The following SH3D19 variants were observed in gnomAD, a reference collection of about 807,000 sequenced individuals.
The protein encoded by SH3D19 is SH3 domain-containing protein 19.
A neutral mutation model predicts 112.1 loss-of-function variants in SH3D19; 58 were observed. The ratio of observed to expected loss-of-function variants is 0.52; its 90% CI spans 0.42 to 0.64. The LOEUF is 0.64. Ranked by LOEUF, SH3D19 falls within the 30% of genes least tolerant of loss-of-function variation. SH3D19 has a pLI of 0.00. For synonymous variants in SH3D19, 391 were observed against 448.5 expected, an observed-to-expected ratio of 0.87 and a Z score of 1.62; for missense variants, 1,090 against 1,263.4, an observed-to-expected ratio of 0.86 and a Z score of 2.08.
chr4:151,137,831 T>A lies in SH3D19; in HGVS notation c.2328A>T (p.Gly776=). 3.1e-6 allele frequency: 5 copies of A among 1,609,706 alleles called. No individual in the cohort carries two copies. The highest frequency in any genetic ancestry group is 4.2e-6 in the Non-Finnish European group (5 of 1,178,478). The change falls in exon 14 of 20, where the codon GGA becomes GGT. Residue 776 remains glycine, a synonymous_variant. Coordinates refer to ENST00000604030, the MANE Select transcript of SH3D19 (RefSeq NM_001378122.1). ...TCTTCTCCAGAAGATAAACAATTTC[T>A]CCAGAAGTGAGGTTCAAATCATCAA... The part of the protein sequence containing the change: ...EQVDDLNLTS[G]EIVYLLEKID...
intron 1 of SH3D19, among the ~76,000 whole-genome samples, chr4:151,322,270 T>C (rs1274424553): frequency 6.6e-6 from 1 of 151,556 alleles, no homozygotes; most frequent in African/African-American, 2.4e-5. Context: ...CCGTCTCCAC[T>C]AAAAATAGAA....
chr4:151,177,709 A>ATCC (rs1259793737), intron 4 of SH3D19, among the ~76,000 whole-genome samples: 3 of 152,170 alleles, frequency 2.0e-5, no homozygotes, highest in Non-Finnish European at 4.4e-5. Flanking sequence ...TAAAAAGAAT[A>ATCC]TCCTCTTCTG....
intron 2 of SH3D19, among the ~76,000 whole-genome samples, chr4:151,194,182 C>T (rs1030368551): frequency 8.6e-5 from 13 of 151,814 alleles, no homozygotes; most frequent in African/African-American, 2.4e-4. Context: ...CCCGCCACCA[C>T]GCCCAGCTAG....
At chr4:151,189,860 C>T (rs1020471109) in intron 2 of SH3D19, among the ~76,000 whole-genome samples, 7 of 152,016 alleles carry the variant, frequency 4.6e-5, no homozygotes, top group African/African-American at 1.2e-4. Context: ...AATGTGGAAG[C>T]GACTTTGGAA....
At chr4:151,320,328 T>C (rs1730411809) in intron 1 of SH3D19, among the ~76,000 whole-genome samples, 1 of 152,182 alleles carries the variant, frequency 6.6e-6, no homozygotes, top group Admixed American at 6.5e-5. Flanking sequence ...GAAATAATAT[T>C]AAAATGTTGT....
At chr4:151,286,184 G>GCAAAAA in intron 1 of SH3D19, among the ~76,000 whole-genome samples, 1 of 86,628 alleles carries the variant, frequency 1.2e-5, no homozygotes, top group Non-Finnish European at 2.0e-5. Context: ...CTGTCTTAAA[G>GCAAAAA]AAAAAAAAAA....
At position 151,296,044 on chromosome 4, in the gene SH3D19, AAAAG is replaced by A. The variant is rs1336742772; in HGVS notation, c.112+29193_112+29196del. On this transcript the variant is annotated intron_variant, in intron 1 of 19. Transcript: ENST00000604030. ...AGCAAGGCTCCGTCTCAAAAAAAAA[AAAAG>A]AAAGAAAGAAAGAAAGAAAGAAAAT... is the stretch of plus-strand genomic sequence containing the variant. Among the ~76,000 whole-genome samples, 71 of 150,954 alleles carry A rather than the reference AAAAG, an allele frequency of 4.7e-4. 1 individual carries two copies. The highest frequency in any genetic ancestry group is 1.2e-3 in the African/African-American group (49 of 40,796).
chr4:151,313,934 T>G (rs772977303), intron 1 of SH3D19, among the ~76,000 whole-genome samples: 1 of 152,196 alleles, frequency 6.6e-6, no homozygotes, highest in Non-Finnish European at 1.5e-5. Flanking sequence ...TATTTGGAAA[T>G]AGTGACATTT....
rs1579905522 is a variant in SH3D19 at position 151,165,574 on chromosome 4, C to G, written c.1642+15G>C. 6.3e-7 allele frequency: 1 copy of G among 1,594,842 alleles called. No individual in the cohort carries two copies. The highest frequency in any genetic ancestry group is 8.6e-7 in the Non-Finnish European group (1 of 1,163,382). ...CTCTTGAAGAAGCTAATAAAGAAAG[C>G]AGAGAAGTGCTTACATTTTCCTGGT... On this transcript the variant is annotated intron_variant, in intron 8 of 19. Coordinates refer to ENST00000604030, the MANE Select transcript of SH3D19 (RefSeq NM_001378122.1).
At chr4:151,169,690 G>GT in intron 7 of SH3D19, among the ~76,000 whole-genome samples, 1 of 152,140 alleles carries the variant, frequency 6.6e-6, no homozygotes, top group Admixed American at 6.5e-5. Flanking sequence ...ACACCACCAG[G>GT]TAAGAAACTG....
At chr4:151,251,110 T>TTATA (rs1771343528) in intron 1 of SH3D19, among the ~76,000 whole-genome samples, 2 of 152,124 alleles carry the variant, frequency 1.3e-5, no homozygotes. Flanking sequence ...CCTGACCTTG[T>TTATA]TATAACCAAT....
At chr4:151,138,726 AC>A (rs1752387356) in intron 13 of SH3D19, among the ~76,000 whole-genome samples, 4 of 149,666 alleles carry the variant, frequency 2.7e-5, no homozygotes, top group Non-Finnish European at 5.9e-5. Context: ...ACACACACAC[AC>A]ACACACAAAT....
chr4:151,148,263 AC>A, intron 10 of SH3D19, 77 bp from the exon 11 acceptor site: 2 of 399,190 alleles, frequency 5.0e-6, no homozygotes, highest in Non-Finnish European at 7.8e-6. Context: ...TTACACACAC[AC>A]ACACACACAC....
chr4:151,255,275 C>T (rs1223603588), intron 1 of SH3D19, among the ~76,000 whole-genome samples: 12 of 142,404 alleles, frequency 8.4e-5, no homozygotes, highest in African/African-American at 2.4e-4. Flanking sequence ...TCAGACGGGG[C>T]GGTTGCCGGG....
At chr4:151,316,268 G>T (rs114102391) in intron 1 of SH3D19, among the ~76,000 whole-genome samples, 1 of 152,122 alleles carries the variant, frequency 6.6e-6, no homozygotes, top group Non-Finnish European at 1.5e-5. Flanking sequence ...CTTCAAAACC[G>T]TCAGGGTCAT....
At chr4:151,264,620 G>T (rs1195554362) in intron 1 of SH3D19, among the ~76,000 whole-genome samples, 1 of 152,054 alleles carries the variant, frequency 6.6e-6, no homozygotes, top group East Asian at 1.9e-4. Context: ...AGAAGCTAAG[G>T]CTGACTGTGT....
At position 151,250,641 on chromosome 4, in the gene SH3D19, A is replaced by G. The variant is rs1041157939; in HGVS notation, c.113-24555T>C. The stretch of plus-strand genomic sequence containing the variant: ...CTCTGGTGTTGAAATTTTTTTAGTA[A>G]TTGTAAAGAAAAAACCCAACCATAT... On this transcript the variant is annotated intron_variant, in intron 1 of 19. Coordinates refer to ENST00000604030, the MANE Select transcript of SH3D19 (RefSeq NM_001378122.1). 2.0e-5 allele frequency among the ~76,000 whole-genome samples: 3 copies of G among 152,240 alleles called. No individual in the cohort carries two copies. The Middle Eastern group carries it at 0.01, about 518-fold the overall frequency.
At chr4:151,180,996 ATCTCCTGACCTCGTGATCC>A (rs1760843239) in intron 3 of SH3D19, among the ~76,000 whole-genome samples, 1 of 136,660 alleles carries the variant, frequency 7.3e-6, no homozygotes, top group African/African-American at 2.8e-5. Flanking sequence ...GATGGTCTTG[ATCTCCTGACCTCGTGATCC>A]TCCCACCTCG....
intron 1 of SH3D19, chr4:151,282,009 C>T: frequency 1.2e-6 from 1 of 808,692 alleles, no homozygotes. Flanking sequence ...CAAATCAACC[C>T]TAGTTGAAGT....
Sources: allele counts gnomAD v4.1 joint callset (sites outside exome capture counted in the v4.1 genomes callset), GRCh38; gene constraint gnomAD v4.1.1; transcripts MANE v1.5; gene names NCBI Gene and HGNC (gene_info 2026-07-23, HGNC 2026-07-21).